Variants in TLK1 observed in about 807,000 individuals in gnomAD.
The protein encoded by TLK1 is serine/threonine-protein kinase tousled-like 1.
In TLK1, 24 loss-of-function variants were observed where a neutral mutation model predicts 105.3. That is an observed-to-expected ratio of 0.23 (90% CI 0.17 to 0.32). The LOEUF (loss-of-function observed/expected upper bound fraction) is 0.32. TLK1 is among the 10% of genes least tolerant of loss of function. The pLI is 1.00. For synonymous variants in TLK1, 321 were observed against 310.4 expected (o/e 1.03, Z -0.36); for missense variants, 558 against 910.5 (o/e 0.61, Z 4.98).
At chr2:171,037,472 C>G (rs909888195) in intron 11 of TLK1, among the ~76,000 whole-genome samples, 1 of 151,112 alleles carries the variant, frequency 6.6e-6, no homozygotes, top group East Asian at 1.9e-4. Context: ...GCATGATGAC[C>G]CAAGAGTACA....
intron 1 of TLK1, among the ~76,000 whole-genome samples, chr2:171,153,446 T>C (rs185429676): frequency 1.0e-3 from 156 of 152,340 alleles, no homozygotes; most frequent in Non-Finnish European, 1.9e-3. Flanking sequence ...CCATGATATA[T>C]AGAGAGATGA....
At chr2:171,219,462 C>T (rs2105329879) in intron 1 of TLK1, among the ~76,000 whole-genome samples, 1 of 152,310 alleles carries the variant, frequency 6.6e-6, no homozygotes, top group South Asian at 2.1e-4. Flanking sequence ...TCTCATAGTT[C>T]TGGAGGCTGG....
At chr2:171,047,455 T>C (rs1420280950) in intron 10 of TLK1, among the ~76,000 whole-genome samples, 4 of 152,202 alleles carry the variant, frequency 2.6e-5, no homozygotes, top group Non-Finnish European at 4.4e-5. Context: ...TAATGCAGAA[T>C]TGACCTTACA....
intron 1 of TLK1, among the ~76,000 whole-genome samples, chr2:171,146,329 G>A (rs759253344): frequency 5.3e-5 from 8 of 152,202 alleles, no homozygotes; most frequent in Non-Finnish European, 8.8e-5. Flanking sequence ...GTAAGAATGT[G>A]ATTCTTTTGT....
At chr2:171,199,102 CT>C (rs1460820110) in intron 1 of TLK1, among the ~76,000 whole-genome samples, 1 of 152,166 alleles carries the variant, frequency 6.6e-6, no homozygotes, top group East Asian at 1.9e-4. Context: ...TTGTTTGCAG[CT>C]TGGAAGTAAT....
chr2:171,096,856 T>C (rs1369040593), intron 2 of TLK1, among the ~76,000 whole-genome samples: 2 of 151,860 alleles, frequency 1.3e-5, no homozygotes, highest in African/African-American at 4.8e-5. Context: ...TGGAAAGATA[T>C]CCTGTTTTCA....
chr2:171,136,007 T>C (rs932020856), intron 1 of TLK1, among the ~76,000 whole-genome samples: 12 of 152,232 alleles, frequency 7.9e-5, no homozygotes, highest in African/African-American at 2.4e-4. Flanking sequence ...CTCAAAGACA[T>C]TGCTGCACAC....
chr2:171,061,292 T>C (rs1448089479), intron 3 of TLK1, 136 bp from the exon 4 acceptor site: 4 of 648,950 alleles, frequency 6.2e-6, no homozygotes, highest in Non-Finnish European at 1.0e-5. Context: ...TACTGTTATT[T>C]ACACACAATT....
chr2:171,035,697 C>T (rs972783667), intron 11 of TLK1, among the ~76,000 whole-genome samples: 4 of 152,090 alleles, frequency 2.6e-5, no homozygotes, highest in African/African-American at 9.7e-5. Flanking sequence ...TATCAGCTGA[C>T]AGTAAAACAG....
intron 11 of TLK1, among the ~76,000 whole-genome samples, chr2:171,030,561 A>C (rs1040969501): frequency 8.5e-5 from 13 of 152,100 alleles, no homozygotes; most frequent in Admixed American, 2.6e-4. Context: ...AGAAAAGAAA[A>C]GATGTAGGAA....
At chr2:171,017,547 T>TA (rs1397614319) in intron 12 of TLK1, among the ~76,000 whole-genome samples, 1 of 152,226 alleles carries the variant, frequency 6.6e-6, no homozygotes, top group Non-Finnish European at 1.5e-5. Context: ...TTGATGAACA[T>TA]AATTACATTT....
intron 4 of TLK1, among the ~76,000 whole-genome samples, chr2:171,059,719 T>C (rs56257149): frequency 6.6e-6 from 1 of 152,160 alleles, no homozygotes; most frequent in Non-Finnish European, 1.5e-5. Context: ...ATCCACAGAC[T>C]GCGGGGAGTA....
intron 1 of TLK1, among the ~76,000 whole-genome samples, chr2:171,226,163 C>G (rs1000790945): frequency 1.3e-5 from 2 of 152,122 alleles, no homozygotes; most frequent in African/African-American, 4.8e-5. Context: ...AGAAATAAGG[C>G]TTTATTGTAA....
At chr2:171,221,707 G>A (rs886744044) in intron 1 of TLK1, among the ~76,000 whole-genome samples, 1 of 152,144 alleles carries the variant, frequency 6.6e-6, no homozygotes, top group African/African-American at 2.4e-5. Flanking sequence ...GTTGGTTTTT[G>A]TTAGGACCTT....
chr2:171,018,184 C>T (rs1373922962), intron 12 of TLK1, among the ~76,000 whole-genome samples: 2 of 152,164 alleles, frequency 1.3e-5, no homozygotes, highest in Non-Finnish European at 2.9e-5. Context: ...TTCCCCCACC[C>T]CTCCCTCCAA....
At position 170,991,498 on chromosome 2, in the gene TLK1, T is replaced by C. The variant is rs1365615236; in HGVS notation, c.*2282A>G. On this transcript the variant is annotated 3_prime_UTR_variant, in exon 21 of 21. Transcript: ENST00000431350. ...GAAACTTTTAGAAGGAAAATATGGG[T>C]CTATAAGTTGATTCATCTCCTACAC... is the stretch of plus-strand genomic sequence containing the variant. The C allele has an allele frequency of 6.6e-6, 1 of 152,158 alleles. No individual in the cohort carries two copies. The highest frequency in any genetic ancestry group is 2.4e-5 in the African/African-American group (1 of 41,438). The allele number at this position is 152,158 out of a possible 1,614,324, so 9.4% of individuals were successfully genotyped here.
chr2:171,136,480 C>G (rs1477958202), intron 1 of TLK1, among the ~76,000 whole-genome samples: 1 of 152,048 alleles, frequency 6.6e-6, no homozygotes, highest in Non-Finnish European at 1.5e-5. Flanking sequence ...GAGGCTGAGG[C>G]AAGTGAACCT....
rs556057104 is a variant in TLK1 at position 170,991,720 on chromosome 2, G to C, written c.*2060C>G. On this transcript the variant is annotated 3_prime_UTR_variant, in exon 21 of 21. Coordinates refer to ENST00000431350, the MANE Select transcript of TLK1 (RefSeq NM_012290.5). ...AAAGTTAGATTTACACATTCACTTC[G>C]TATCTCCCCAAAATTTTAAGCACAA... 6.6e-6 allele frequency: 1 copy of C among 152,052 alleles called. No homozygotes were observed. The highest frequency in any genetic ancestry group is 1.5e-5 in the Non-Finnish European group (1 of 68,006). The allele number at this position is 152,052 out of a possible 1,614,324, so 9.4% of individuals were successfully genotyped here.
At chr2:171,053,701 A>G in intron 8 of TLK1, 60 bp downstream of exon 8, 1 of 1,327,414 alleles carries the variant, frequency 7.5e-7, no homozygotes, top group Non-Finnish European at 1.0e-6. Flanking sequence ...TTTTCTGAAC[A>G]GTTTGACTGT....
Sources: gnomAD v4.1 joint callset for allele counts (sites outside exome capture counted in the v4.1 genomes callset) on GRCh38, gnomAD v4.1.1 for gene constraint, MANE v1.5 for transcripts, NCBI Gene and HGNC (gene_info 2026-07-23, HGNC 2026-07-21) for gene names.